The following C8orf89 variants were observed in gnomAD, a reference collection of about 807,000 sequenced individuals.
C8orf89 encodes putative uncharacterized protein C8orf89.
In C8orf89, 14 loss-of-function variants were observed where a neutral mutation model predicts 15.8. That is an observed-to-expected ratio of 0.89 (90% CI 0.59 to 1.39). The LOEUF (loss-of-function observed/expected upper bound fraction) is 1.39. C8orf89 is among the 40% of genes most tolerant of loss of function. C8orf89 has a pLI of 0.00. For missense variants in C8orf89, 181 were observed against 184.5 expected (o/e 0.98, Z 0.11); for synonymous variants, 55 against 62.2 (o/e 0.88, Z 0.54).
At chr8:73,280,393 C>T in the C8orf89 span, among the ~76,000 whole-genome samples, 7 of 152,116 alleles carry the variant, frequency 4.6e-5, no homozygotes, top group South Asian at 1.0e-3. Context: ...TATTTTTAAA[C>T]GGAGTCTCAC....
intron 2 of C8orf89, among the ~76,000 whole-genome samples, chr8:73,254,012 G>A (rs1273132831): frequency 6.6e-6 from 1 of 152,096 alleles, no homozygotes; most frequent in Admixed American, 6.5e-5. Context: ...TCTTGGGCCA[G>A]TTTTCAAAGG....
At chr8:73,255,329 A>G (rs1364110751) in intron 2 of C8orf89, among the ~76,000 whole-genome samples, 5 of 152,216 alleles carry the variant, frequency 3.3e-5, no homozygotes, top group African/African-American at 4.8e-5. Flanking sequence ...GACACTTCTC[A>G]AAAGAAGACA....
At chr8:73,267,139 CA>C in the C8orf89 span, among the ~76,000 whole-genome samples, 1 of 152,082 alleles carries the variant, frequency 6.6e-6, no homozygotes, top group Non-Finnish European at 1.5e-5. Flanking sequence ...TCAAGACTTC[CA>C]GTGTGTGCCT....
At chr8:73,246,962 T>A (rs1013064479) in intron 3 of C8orf89, among the ~76,000 whole-genome samples, 1 of 152,188 alleles carries the variant, frequency 6.6e-6, no homozygotes, top group Non-Finnish European at 1.5e-5. Context: ...CAAAGTCATG[T>A]AAGTATGAGT....
At chr8:73,265,730 A>G in the C8orf89 span, among the ~76,000 whole-genome samples, 1 of 152,240 alleles carries the variant, frequency 6.6e-6, no homozygotes, top group South Asian at 2.1e-4. Flanking sequence ...AGAACTGCTT[A>G]TTAGGGAGCT....
At position 73,257,152 on chromosome 8, in the gene C8orf89, C is replaced by A. The variant is rs1212187406; in HGVS notation, c.128-26G>T. ...CTGGTTAAAAATATATAAGAATCAT[C>A]TTGATTAAATGCATACTACTTGTTT... On this transcript the variant is annotated intron_variant, in intron 1 of 3. Transcript: ENST00000624510. 1.4e-5 allele frequency: 20 copies of A among 1,463,964 alleles called. No homozygotes were observed. The East Asian group carries it at 4.3e-4, about 31-fold the overall frequency. 90.7% of individuals were successfully genotyped at this position (1,463,964 alleles called of 1,614,324 possible). A position where few individuals can be genotyped will look rare whatever the true frequency, so the allele number is the denominator to read the frequency against.
At chr8:73,248,595 T>C (rs1446742507) in intron 3 of C8orf89, among the ~76,000 whole-genome samples, 1 of 152,288 alleles carries the variant, frequency 6.6e-6, no homozygotes, top group East Asian at 1.9e-4. Flanking sequence ...TTCTACTTGT[T>C]TGTGTCATCT....
chr8:73,274,311 C>A, the C8orf89 span, among the ~76,000 whole-genome samples: 13 of 152,256 alleles, frequency 8.5e-5, no homozygotes, highest in African/African-American at 3.1e-4. Flanking sequence ...GCCACCACGC[C>A]TGGCTAATTT....
the C8orf89 span, among the ~76,000 whole-genome samples, chr8:73,267,177 T>C: frequency 4.5e-4 from 69 of 152,308 alleles, no homozygotes; most frequent in Non-Finnish European, 9.1e-4. Flanking sequence ...CTGAACCCTA[T>C]ATATGCTATG....
At chr8:73,256,383 A>G (rs2546220) in intron 2 of C8orf89, among the ~76,000 whole-genome samples, 23,768 of 151,908 alleles carry the variant, frequency 0.16, 1,883 homozygotes, top group East Asian at 0.19. Context: ...AAAAATTCCA[A>G]TGCTCTCATG....
chr8:73,242,398 C>T (rs1025102276), intron 3 of C8orf89, among the ~76,000 whole-genome samples: 2 of 152,058 alleles, frequency 1.3e-5, no homozygotes, highest in African/African-American at 4.8e-5. Flanking sequence ...CCCTTGAGCT[C>T]AGAAGTTCAA....
the C8orf89 span, among the ~76,000 whole-genome samples, chr8:73,282,777 T>G: frequency 1.3e-5 from 2 of 151,980 alleles, no homozygotes; most frequent in South Asian, 4.2e-4. Flanking sequence ...GTATTTAGAG[T>G]GGTCACAGTG....
the C8orf89 span, among the ~76,000 whole-genome samples, chr8:73,280,696 CATACAT>C: frequency 1.3e-5 from 2 of 151,204 alleles, no homozygotes; most frequent in South Asian, 2.1e-4. Context: ...TATATATACA[CATACAT>C]ATACATATAT....
At chr8:73,277,398 C>T in the C8orf89 span, 1 of 1,178,962 alleles carries the variant, frequency 8.5e-7, no homozygotes. Context: ...GTTTGATCAT[C>T]TTAGCAGCCT....
At chr8:73,277,870 C>A in the C8orf89 span, 1 of 697,478 alleles carries the variant, frequency 1.4e-6, no homozygotes, top group Non-Finnish European at 2.7e-6. Context: ...TCCTTGGTTC[C>A]TTCTCCAGCA....
intron 2 of C8orf89, among the ~76,000 whole-genome samples, chr8:73,253,509 C>A (rs1007076027): frequency 5.5e-4 from 83 of 151,716 alleles, no homozygotes; most frequent in Non-Finnish European, 1.0e-3. Flanking sequence ...GGCATTGAAT[C>A]TATAAATTAC....
chr8:73,256,774 T>A (rs1359290798), intron 2 of C8orf89, among the ~76,000 whole-genome samples, 199 bp downstream of exon 2: 5 of 117,354 alleles, frequency 4.3e-5, no homozygotes, highest in Admixed American at 8.5e-5. Flanking sequence ...TCTGGTAACA[T>A]CACTCGAAAA....
chr8:73,258,409 C>CAAAAAAAAAAAAA (rs34265425), intron 1 of C8orf89, among the ~76,000 whole-genome samples: 1 of 69,158 alleles, frequency 1.4e-5, no homozygotes, highest in African/African-American at 5.6e-5. Flanking sequence ...GACTCCATCT[C>CAAAAAAAAAAAAA]AAAAAAAAAA....
the C8orf89 span, among the ~76,000 whole-genome samples, chr8:73,278,669 G>T: frequency 6.6e-6 from 1 of 152,112 alleles, no homozygotes; most frequent in East Asian, 1.9e-4. Flanking sequence ...GATTCTTATT[G>T]TTGAGAAGCC....
Sources: allele counts gnomAD v4.1 joint callset (sites outside exome capture counted in the v4.1 genomes callset), GRCh38; gene constraint gnomAD v4.1.1; transcripts MANE v1.5; gene names NCBI Gene and HGNC (gene_info 2026-07-23, HGNC 2026-07-21).